PNMA8A: variants seen among roughly 807,000 people sequenced by gnomAD.
PNMA8A encodes the protein PNMA family member 8A, also known as paraneoplastic antigen-like protein 8A.
Under a neutral mutation model 26.6 loss-of-function variants are expected in PNMA8A, and 17 were observed. That is an observed-to-expected ratio of 0.64 (90% confidence interval 0.44 to 0.96). PNMA8A has a LOEUF of 0.96. Ranked by LOEUF, PNMA8A falls within the 40% of genes least tolerant of loss-of-function variation. The probability of loss-of-function intolerance (pLI) is 0.00; values close to 1 mark genes in which losing one functional copy is unlikely to be tolerated. For synonymous variants in PNMA8A, 224 were observed against 182.0 expected, an observed-to-expected ratio of 1.23 and a Z score of -1.86; for missense variants, 532 against 488.4, an observed-to-expected ratio of 1.09 and a Z score of -0.84.
At chr19:46,471,245 C>G in intron 1 of PNMA8A, 92 bp downstream of exon 1, 1 of 507,464 alleles carries the variant, frequency 2.0e-6, no homozygotes. Flanking sequence ...CCAACCCAGG[C>G]CCCGGTGCTC....
In PNMA8A at chr19:46,470,745, A is replaced by C. The variant is rs771163872; in HGVS notation, c.291T>G (p.Cys97Trp). The C allele has an allele frequency of 3.6e-6, 3 of 823,794 alleles. No homozygotes were observed. The highest frequency in any genetic ancestry group is 2.7e-5 in the South Asian group (2 of 75,378). 51.0% of individuals were successfully genotyped at this position (823,794 alleles called of 1,614,324 possible). Residue 97 changes from cysteine to tryptophan, a missense_variant, in exon 2 of 3, where the codon TGT becomes TGG. By Grantham distance (215) the Cys-to-Trp change is radical. Coordinates refer to ENST00000313683, the MANE Select transcript of PNMA8A (RefSeq NM_018215.4). ...ACTCGGCATCCTGGGTAGGGTCTCT[A>C]CAGACCACTCTCCAGACACCACCCC... ...PGRGGVWRVV[C>W]RDPTQDAEFL...
intron 1 of PNMA8A, 42 bp downstream of exon 1, chr19:46,471,295 C>T (rs942912822): frequency 3.4e-5 from 11 of 318,876 alleles, no homozygotes; most frequent in African/African-American, 6.4e-5. Context: ...CCCTAGGACC[C>T]TCCCCCGGGC....
Position 46,470,190 on chromosome 19 carries a change from C to T in PNMA8A, c.846G>A (p.Met282Ile), listed in dbSNP as rs1349154491. 6.2e-7 allele frequency: 1 copy of T among 1,614,114 alleles called. No individual in the cohort carries two copies. The highest frequency in any genetic ancestry group is 8.5e-7 in the Non-Finnish European group (1 of 1,180,064). The part of the protein sequence containing the change: ...EDPEVGDAES[M>I]AISEPIKGSR... The stretch of plus-strand genomic sequence containing the variant: ...TGCCCTTGATCGGCTCTGAGATCGC[C>T]ATGCTTTCAGCATCACCCACCTCAG... The change falls in exon 2 of 3, where the codon ATG becomes ATA. Residue 282 changes from methionine to isoleucine, a missense_variant. Physicochemically the swap from Met to Ile is conservative, Grantham distance 10. Transcript: ENST00000313683.
rs1315871430 is a variant in PNMA8A at position 46,468,307 on chromosome 19, C to T, written c.*254G>A. 4 of 486,530 alleles carry T rather than the reference C, an allele frequency of 8.2e-6. No homozygotes were observed. The highest frequency in any genetic ancestry group is 7.7e-5 in the African/African-American group (4 of 52,154). 30.1% of individuals were successfully genotyped at this position (486,530 alleles called of 1,614,324 possible). A position where few individuals can be genotyped will look rare whatever the true frequency, so the allele number is the denominator to read the frequency against. ...TTTCCCAATCCTCTTACCAACTCTC[C>T]TGCCTCCGAAGAGAAGGTGAGTAGA... On this transcript the variant is annotated 3_prime_UTR_variant, in exon 3 of 3. Transcript: ENST00000313683.
rs1311231836 is a variant in PNMA8A, at chr19:46,470,765, C to CA, written c.270dup (p.Gly91TrpfsTer8). ...TCTCTACAGACCACTCTCCAGACAC[C>CA]ACCCCTTCCTGGGAATTCACGGGGG... On this transcript the variant is annotated frameshift_variant, in exon 2 of 3. Coordinates refer to ENST00000313683, the MANE Select transcript of PNMA8A (RefSeq NM_018215.4). LOFTEE classifies it high-confidence loss of function. The CA allele has an allele frequency of 1.3e-6, 1 of 792,382 alleles. No homozygotes were observed. The highest frequency in any genetic ancestry group is 2.3e-6 in the Non-Finnish European group (1 of 428,492). The allele number at this position is 792,382 out of a possible 1,614,324, so 49.1% of individuals were successfully genotyped here.
Position 46,466,755 on chromosome 19 carries a change from C to T in PNMA8A, c.*1806G>A, listed in dbSNP as rs1236627972. ...TTTTCTCTCGTATTTTTCAGTCAGA[C>T]TCACTCAGGATTTTGAAATGAATCA... On this transcript the variant is annotated 3_prime_UTR_variant, in exon 3 of 3. Transcript: ENST00000313683. 2.0e-5 allele frequency: 3 copies of T among 152,156 alleles called. No individual in the cohort carries two copies. The highest frequency in any genetic ancestry group is 4.4e-5 in the Non-Finnish European group (3 of 68,034). The allele number at this position is 152,156 out of a possible 1,614,324, so 9.4% of individuals were successfully genotyped here. A position where few individuals can be genotyped will look rare whatever the true frequency, so the allele number is the denominator to read the frequency against.
chr19:46,471,013 T>A lies in PNMA8A; in HGVS notation c.23A>T (p.Asn8Ile). 1.3e-6 allele frequency: 1 copy of A among 774,682 alleles called. No individual in the cohort carries two copies. The highest frequency in any genetic ancestry group is 2.4e-6 in the Non-Finnish European group (1 of 414,116). 48.0% of individuals were successfully genotyped at this position (774,682 alleles called of 1,614,324 possible). The change falls in exon 2 of 3, where the codon AAC becomes ATC. Residue 8 changes from asparagine to isoleucine, a missense_variant. Coordinates refer to ENST00000313683, the MANE Select transcript of PNMA8A (RefSeq NM_018215.4). Reference protein sequence around the residue: MSKTMAMNLLEDWCRGME... With the variant: MSKTMAMILLEDWCRGME... ...TCCCCTGCACCAATCCTCCAGAAGG[T>A]TCATCGCCATGGTCTTGGACATTTA...
In PNMA8A at chr19:46,468,536, T is replaced by C. The variant is rs1283146368; in HGVS notation, c.*25A>G. On this transcript the variant is annotated 3_prime_UTR_variant, in exon 3 of 3. Transcript: ENST00000313683. ...GGTACTTCTTCCTTGTTCTTTCAACTCCTCAGTATGGGTGGTCCCCCAGAT... is the reference window on the plus strand; with the variant it reads ...GGTACTTCTTCCTTGTTCTTTCAACCCCTCAGTATGGGTGGTCCCCCAGAT... 1 of 1,610,242 alleles carries C rather than the reference T, an allele frequency of 6.2e-7. No homozygotes were observed. Among genetic ancestry groups the C allele is most frequent in the Admixed American group, 1.7e-5 (1 of 59,982 alleles).
At chr19:46,469,674 C>T (rs1969754411) in intron 2 of PNMA8A, 59 bp downstream of exon 2, 5 of 1,503,076 alleles carry the variant, frequency 3.3e-6, no homozygotes, top group East Asian at 2.3e-5. Context: ...GCCACTCCTG[C>T]TCCTCCTGCC....
In PNMA8A at chr19:46,470,249, T is replaced by C. The variant is rs568252203; in HGVS notation, c.787A>G (p.Ile263Val). The C allele has an allele frequency of 9.3e-6, 15 of 1,614,106 alleles. No individual in the cohort carries two copies. In the East Asian group the frequency reaches 2.0e-4, roughly 22 times the overall value. The change falls in exon 2 of 3, where the codon ATC (isoleucine) becomes GTC (valine). Residue 263 changes from isoleucine to valine, a missense_variant. Coordinates refer to ENST00000313683, the MANE Select transcript of PNMA8A (RefSeq NM_018215.4). ...EAVPWKKPKG[I>V]NSNSTANLED... is the part of the protein sequence containing the mutation. ...AAGTTAGCTGTGCTGTTGGAATTGA[T>C]GCCTTTGGGTTTTTTCCAGGGCACT...
rs1378827668 is a variant in PNMA8A, at chr19:46,470,674, C to CA, written c.361dup (p.Trp121LeufsTer61). On this transcript the variant is annotated frameshift_variant, in exon 2 of 3. Transcript: ENST00000313683. LOFTEE classifies it high-confidence loss of function. ...CTGGAGCAGGCGGACCACATCCTCC[C>CA]AGGTGCGCCCCTCGGCATCCAGGAA... The CA allele has an allele frequency of 7.7e-7, 1 of 1,295,630 alleles. No individual in the cohort carries two copies. Among genetic ancestry groups the CA allele is most frequent in the African/African-American group, 1.5e-5 (1 of 68,932 alleles). 80.3% of individuals were successfully genotyped at this position (1,295,630 alleles called of 1,614,324 possible).
chr19:46,466,723 C>CACTCTCT lies in PNMA8A; in HGVS notation c.*1831_*1837dup, dbSNP rs2147461842. 6.6e-6 allele frequency: 1 copy of CACTCTCT among 152,224 alleles called. No individual in the cohort carries two copies. The highest frequency in any genetic ancestry group is 1.9e-4 in the East Asian group (1 of 5,174). 9.4% of individuals were successfully genotyped at this position (152,224 alleles called of 1,614,324 possible). On this transcript the variant is annotated 3_prime_UTR_variant, in exon 3 of 3. Coordinates refer to ENST00000313683, the MANE Select transcript of PNMA8A (RefSeq NM_018215.4). The stretch of plus-strand genomic sequence containing the variant: ...CAGCTGTGTAGCTGCAAACGGAAAC[C>CACTCTCT]ACTCTCTTTTCTCTCGTATTTTTCA...
rs1216581951 is a variant in PNMA8A at position 46,469,840 on chromosome 19, G to A, written c.1196C>T (p.Ala399Val). ...GCCCCGAGGGGCCTTCTGATCTGAT[G>A]CCTCCCTTCTTGAGCCTGGCCCTTT... ...PKKGPGSRRE[A>V]SDQKAPRGQQ... The change falls in exon 2 of 3, where the codon GCA becomes GTA. Residue 399 changes from alanine to valine, a missense_variant. Coordinates refer to ENST00000313683, the MANE Select transcript of PNMA8A (RefSeq NM_018215.4). The A allele has an allele frequency of 5.0e-6, 8 of 1,614,234 alleles. No homozygotes were observed. The South Asian group carries it at 7.7e-5, about 16-fold the overall frequency.
Position 46,468,203 on chromosome 19 carries a change from C to T in PNMA8A, c.*358G>A, listed in dbSNP as rs73942470. ...TGACCATTCCGAGGAGGGAGCAAGGCGTGGGGGAGAAAAGCTGAACATGGA... is the reference window on the plus strand; with the variant it reads ...TGACCATTCCGAGGAGGGAGCAAGGTGTGGGGGAGAAAAGCTGAACATGGA... On this transcript the variant is annotated 3_prime_UTR_variant, in exon 3 of 3. Transcript: ENST00000313683. The T allele has an allele frequency of 5.6e-3, 1,397 of 247,310 alleles. 21 individuals carry two copies. The highest frequency in any genetic ancestry group is 0.029 in the African/African-American group (1,290 of 45,190). The allele number at this position is 247,310 out of a possible 1,614,324, so 15.3% of individuals were successfully genotyped here. A position where few individuals can be genotyped will look rare whatever the true frequency, so the allele number is the denominator to read the frequency against.
chr19:46,470,235 G>A lies in PNMA8A; in HGVS notation c.801C>T (p.Ser267=). ...CCTCAGGATCCTCCAAGTTAGCTGTGCTGTTGGAATTGATGCCTTTGGGTT... is the reference window on the plus strand; with the variant it reads ...CCTCAGGATCCTCCAAGTTAGCTGTACTGTTGGAATTGATGCCTTTGGGTT... The part of the protein sequence containing the change: ...WKKPKGINSN[S]TANLEDPEVG... The change falls in exon 2 of 3, where the codon AGC becomes AGT. Residue 267 remains serine (S), a synonymous_variant. Coordinates refer to ENST00000313683, the MANE Select transcript of PNMA8A (RefSeq NM_018215.4). 4 of 1,614,128 alleles carry A rather than the reference G, an allele frequency of 2.5e-6. No individual in the cohort carries two copies. Among genetic ancestry groups the A allele is most frequent in the East Asian group, 2.2e-5 (1 of 44,888 alleles).
At position 46,470,951 on chromosome 19, in the gene PNMA8A, C is replaced by A; in HGVS notation, c.85G>T (p.Gly29Cys). The change falls in exon 2 of 3, where the codon GGC becomes TGC. Residue 29 changes from glycine (G) to cysteine (C), a missense_variant. Transcript: ENST00000313683. Reference protein sequence around the residue: ...VDIHRSLLVTGIPEDCGQAEI... With the variant: ...VDIHRSLLVTCIPEDCGQAEI... ...GCCTGCCCACAGTCCTCTGGGATGC[C>A]TGTGACCAACAAGGACCTGTGGATG... 1.3e-6 allele frequency: 1 copy of A among 780,886 alleles called. No homozygotes were observed. The highest frequency in any genetic ancestry group is 2.4e-5 in the East Asian group (1 of 41,274). 48.4% of individuals were successfully genotyped at this position (780,886 alleles called of 1,614,324 possible).
intron 2 of PNMA8A, among the ~76,000 whole-genome samples, chr19:46,469,432 A>G (rs1969751189): frequency 6.6e-6 from 1 of 152,106 alleles, no homozygotes; most frequent in Admixed American, 6.6e-5. Flanking sequence ...ATTCTCATCA[A>G]GGAAGATGGG....
chr19:46,469,095 C>T (rs1024066601), intron 2 of PNMA8A, among the ~76,000 whole-genome samples: 2 of 129,848 alleles, frequency 1.5e-5, no homozygotes, highest in Non-Finnish European at 1.6e-5. Context: ...CTTGGCCTCC[C>T]AAATCATTAA....
Position 46,470,529 on chromosome 19 carries a change from G to A in PNMA8A, c.507C>T (p.Arg169=), listed in dbSNP as rs1433226473. 23 of 1,613,932 alleles carry A rather than the reference G, an allele frequency of 1.4e-5. No homozygotes were observed. The highest frequency in any genetic ancestry group is 1.9e-5 in the Non-Finnish European group (23 of 1,180,050). ...QIIFCMDAEI[R]SREEARAQEA... ...CCTGGGCCCTGGCTTCCTCCCGGCT[G>A]CGGATCTCGGCATCCATGCAGAAGA... The change falls in exon 2 of 3, where the codon CGC becomes CGT. Residue 169 remains arginine, a synonymous_variant. Coordinates refer to ENST00000313683, the MANE Select transcript of PNMA8A (RefSeq NM_018215.4).
Sources: gnomAD v4.1 joint callset for allele counts (sites outside exome capture counted in the v4.1 genomes callset) on GRCh38, gnomAD v4.1.1 for gene constraint, MANE v1.5 for transcripts, NCBI Gene and HGNC (gene_info 2026-07-23, HGNC 2026-07-21) for gene names.